DPF3: variants seen among roughly 807,000 people sequenced by gnomAD.
DPF3 encodes the protein double PHD fingers 3, also known as zinc finger protein DPF3.
In DPF3, 18 loss-of-function variants were observed where a neutral mutation model predicts 56.8. The ratio of observed to expected loss-of-function variants is 0.32; its 90% CI spans 0.22 to 0.47. The LOEUF is 0.47. Ranked by LOEUF, DPF3 falls within the 20% of genes least tolerant of loss-of-function variation. DPF3 has a pLI of 1.00. For synonymous variants in DPF3, 188 were observed against 180.2 expected (o/e 1.04, Z -0.35); for missense variants, 403 against 488.8 (o/e 0.82, Z 1.65).
intron 1 of DPF3, among the ~76,000 whole-genome samples, chr14:72,872,528 A>T (rs924834655): frequency 6.6e-6 from 1 of 152,164 alleles, no homozygotes; most frequent in African/African-American, 2.4e-5. Context: ...AATTTCTTCC[A>T]CCAAGCTACC....
intron 1 of DPF3, among the ~76,000 whole-genome samples, chr14:72,798,007 C>T (rs1843435810): frequency 6.6e-6 from 1 of 152,128 alleles, no homozygotes; most frequent in African/African-American, 2.4e-5. Flanking sequence ...GTAATCCCAG[C>T]ACTTTGGGAG....
intron 6 of DPF3, among the ~76,000 whole-genome samples, chr14:72,710,642 T>C (rs1241689799): frequency 6.6e-6 from 1 of 152,250 alleles, no homozygotes; most frequent in Non-Finnish European, 1.5e-5. Flanking sequence ...CCCAGGAGTC[T>C]GAATTCTAAG....
chr14:72,693,136 C>G lies in DPF3; in HGVS notation c.682G>C (p.Asp228His), dbSNP rs558289942. The change falls in exon 7 of 11, where the codon GAT becomes CAT. Residue 228 changes from aspartate to histidine, a missense_variant. Around this residue, in one of 2 missense-constraint regions of DPF3, gnomAD observed 340 missense variants for 374.3 expected, o/e 0.91. Transcript: ENST00000556509. ...CGAGTCTCCTGGTCTTGAGCTTCAT[C>G]CCCCTCCTCGCTGGCCAGGTGAGTG... Reference protein sequence around the residue: ...AHTHLASEEGDEAQDQETRSP... With the variant: ...AHTHLASEEGHEAQDQETRSP... The G allele has an allele frequency of 6.2e-7, 1 of 1,614,030 alleles. No homozygotes were observed. Among genetic ancestry groups the G allele is most frequent in the African/African-American group, 1.3e-5 (1 of 75,048 alleles).
chr14:72,856,446 G>A (rs1385774861), intron 1 of DPF3, among the ~76,000 whole-genome samples: 1 of 152,158 alleles, frequency 6.6e-6, no homozygotes, highest in Non-Finnish European at 1.5e-5. Context: ...GAGGAAGTGG[G>A]GTGCTGGTAC....
At chr14:72,710,295 G>A (rs1001174915) in intron 6 of DPF3, among the ~76,000 whole-genome samples, 6 of 152,182 alleles carry the variant, frequency 3.9e-5, no homozygotes, top group East Asian at 1.9e-4. Context: ...GATTTAAAGC[G>A]ATTAAGTGAA....
At chr14:72,883,683 G>A (rs948137209) in intron 1 of DPF3, among the ~76,000 whole-genome samples, 6 of 152,054 alleles carry the variant, frequency 3.9e-5, no homozygotes, top group Admixed American at 1.3e-4. Context: ...ATCCCAGCAC[G>A]TGGGGAGGCC....
intron 3 of DPF3, among the ~76,000 whole-genome samples, chr14:72,746,703 G>T (rs1567219713): frequency 1.3e-5 from 2 of 152,234 alleles, no homozygotes; most frequent in African/African-American, 4.8e-5. Flanking sequence ...CTCTGCAGAT[G>T]GGGTCCTTCC....
chr14:72,817,178 G>A (rs1022193759), intron 1 of DPF3, among the ~76,000 whole-genome samples: 5 of 152,160 alleles, frequency 3.3e-5, no homozygotes, highest in Admixed American at 6.5e-5. Flanking sequence ...TGTCTCCCAT[G>A]ACTCACCAAC....
rs961937075 is a variant in DPF3, at chr14:72,610,990, C to T, written c.*8307G>A. The stretch of plus-strand genomic sequence containing the variant: ...CCCCTGCATGCTTTTCAGGCTGTCA[C>T]GCACTTTAAAACCAGACTCACAGCC... On this transcript the variant is annotated 3_prime_UTR_variant, in exon 11 of 11. Transcript: ENST00000556509. 2.2e-4 allele frequency among the ~76,000 whole-genome samples: 33 copies of T among 152,240 alleles called. No homozygotes were observed. The highest frequency in any genetic ancestry group is 1.3e-4 in the Admixed American group (2 of 15,290).
At chr14:72,717,397 G>A (rs1167501336) in intron 5 of DPF3, among the ~76,000 whole-genome samples, 1 of 152,194 alleles carries the variant, frequency 6.6e-6, no homozygotes, top group East Asian at 1.9e-4. Flanking sequence ...TGAAACCACA[G>A]GGGACAGCAC....
intron 1 of DPF3, among the ~76,000 whole-genome samples, chr14:72,782,145 A>G (rs1356815187): frequency 6.6e-6 from 1 of 152,104 alleles, no homozygotes; most frequent in Non-Finnish European, 1.5e-5. Context: ...CTCCCCAGTA[A>G]AGGGAATATC....
intron 8 of DPF3, chr14:72,670,895 C>T (rs1255729686): frequency 8.0e-7 from 1 of 1,252,140 alleles, no homozygotes; most frequent in Non-Finnish European, 1.0e-6. Flanking sequence ...TGCCATCTCT[C>T]GGAAGAACGC....
chr14:72,680,238 G>A, intron 7 of DPF3, among the ~76,000 whole-genome samples: 1 of 152,174 alleles, frequency 6.6e-6, no homozygotes, highest in Non-Finnish European at 1.5e-5. Flanking sequence ...TTATCCCCCA[G>A]GCCTGACACC....
At chr14:72,817,257 T>C (rs1883329516) in intron 1 of DPF3, among the ~76,000 whole-genome samples, 1 of 152,184 alleles carries the variant, frequency 6.6e-6, no homozygotes, top group Non-Finnish European at 1.5e-5. Context: ...CCCCACTATA[T>C]CTGGAACTCC....
At chr14:72,855,986 C>T (rs755851810) in intron 1 of DPF3, among the ~76,000 whole-genome samples, 20 of 152,212 alleles carry the variant, frequency 1.3e-4, no homozygotes, top group Non-Finnish European at 2.4e-4. Context: ...CAACTGCTTA[C>T]CGAGGAGCTG....
chr14:72,777,482 A>T (rs1388412031), intron 1 of DPF3, among the ~76,000 whole-genome samples: 2 of 152,156 alleles, frequency 1.3e-5, no homozygotes, highest in Admixed American at 1.3e-4. Flanking sequence ...TCACAGAAAA[A>T]ATCCACATGT....
At chr14:72,757,738 G>T (rs28495114) in intron 2 of DPF3, among the ~76,000 whole-genome samples, 1 of 151,910 alleles carries the variant, frequency 6.6e-6, no homozygotes. Context: ...AATGTGTGTA[G>T]GTTATATGCA....
At chr14:72,870,488 G>C (rs1885853508) in intron 1 of DPF3, among the ~76,000 whole-genome samples, 1 of 152,186 alleles carries the variant, frequency 6.6e-6, no homozygotes, top group Non-Finnish European at 1.5e-5. Flanking sequence ...TTCTCAGAAG[G>C]ACCCAATATC....
intron 1 of DPF3, chr14:72,836,296 A>G: frequency 1.0e-6 from 1 of 985,652 alleles, no homozygotes; most frequent in Non-Finnish European, 1.2e-6. Context: ...CTCTCCTGCC[A>G]AACTCCCAGG....
Sources: gnomAD v4.1 joint callset for allele counts (sites outside exome capture counted in the v4.1 genomes callset) on GRCh38, gnomAD v4.1.1 for gene constraint, gnomAD v4.1.1 regional missense constraint, MANE v1.5 for transcripts, NCBI Gene and HGNC (gene_info 2026-07-23, HGNC 2026-07-21) for gene names.